HYDIN: variants seen among roughly 807,000 people sequenced by gnomAD.
HYDIN encodes the protein axonemal central pair apparatus protein HYDIN.
A neutral mutation model predicts 403.9 loss-of-function variants in HYDIN; 132 were observed. The observed-to-expected ratio is 0.33, with a 90% CI of 0.28 to 0.38. The LOEUF is 0.38. Among genes scored for constraint, HYDIN ranks in the 10% least tolerant of loss-of-function variants. The pLI is 1.00. For synonymous variants in HYDIN, 1,202 were observed against 1,891.7 expected, an observed-to-expected ratio of 0.64 and a Z score of 9.46; for missense variants, 2,827 against 5,009.5, an observed-to-expected ratio of 0.56 and a Z score of 13.15.
chr16:71,185,434 G>T (rs1335877253), intron 2 of HYDIN, among the ~76,000 whole-genome samples: 12 of 152,016 alleles, frequency 7.9e-5, no homozygotes, highest in Admixed American at 7.9e-4. Flanking sequence ...AAAGCTTTTG[G>T]GTGTTTAACT....
intron 23 of HYDIN, among the ~76,000 whole-genome samples, chr16:70,992,876 C>A (rs1174845883): frequency 1.3e-5 from 2 of 152,210 alleles, no homozygotes; most frequent in African/African-American, 4.8e-5. Flanking sequence ...ATTAAAAAGG[C>A]CTTTGGATGT....
At chr16:71,039,655 G>A (rs2144189978) in intron 18 of HYDIN, among the ~76,000 whole-genome samples, 1 of 152,286 alleles carries the variant, frequency 6.6e-6, no homozygotes, top group African/African-American at 2.4e-5. Flanking sequence ...AGAAGAAGCT[G>A]GCTGCAGATG....
chr16:70,945,754 C>T (rs1401269819), intron 41 of HYDIN, among the ~76,000 whole-genome samples: 2 of 152,092 alleles, frequency 1.3e-5, no homozygotes, highest in Non-Finnish European at 2.9e-5. Flanking sequence ...TGATCAGCTG[C>T]CAAGAAGTCA....
Position 70,943,920 on chromosome 16 carries a change from G to A in HYDIN, c.6561C>T (p.Pro2187=), listed in dbSNP as rs371050100. 145 of 1,612,396 alleles carry A rather than the reference G, an allele frequency of 9.0e-5. No individual in the cohort carries two copies. In the African/African-American group the frequency reaches 1.7e-3, roughly 19 times the overall value. Residue 2187 remains proline (P), a synonymous_variant, in exon 42 of 86, where the codon CCC becomes CCT. Transcript: ENST00000393567. ...GACTAACACTGAGCCAGCGGTGGATGGGCCCCGGGGGGAGAGGGCTGGAGG... is the reference window on the plus strand; with the variant it reads ...GACTAACACTGAGCCAGCGGTGGATAGGCCCCGGGGGGAGAGGGCTGGAGG... ...QISSSPLPPG[P]IHRWLSVSPS...
rs1277348625 is a variant in HYDIN, at chr16:70,979,887, G to C, written c.4511-846C>G. 2.6e-5 allele frequency among the ~76,000 whole-genome samples: 4 copies of C among 152,138 alleles called. No individual in the cohort carries two copies. In the East Asian group the frequency reaches 5.8e-4, roughly 22 times the overall value. ...TGCAGGGAGCTGAGACCCCGTCACT[G>C]AACTCCAGCCTGGGTGACAGAGCAA... On this transcript the variant is annotated intron_variant, in intron 29 of 85. Coordinates refer to ENST00000393567, the MANE Select transcript of HYDIN (RefSeq NM_001270974.2).
rs372716069 is a variant in HYDIN, at chr16:70,970,610, G to A, written c.5529C>T (p.Asp1843=). 2.3e-5 allele frequency: 33 copies of A among 1,410,970 alleles called. No homozygotes were observed. The highest frequency in any genetic ancestry group is 5.7e-5 in the African/African-American group (4 of 70,600). The allele number at this position is 1,410,970 out of a possible 1,614,324, so 87.4% of individuals were successfully genotyped here. ...LGPLLLCAPG[D]EAEVIVKNPC... ...GATTCTTCACTATCACCTCGGCCTC[G>A]TCTCCAGGTGCACAAAGTAGCAGTG... The change falls in exon 36 of 86, where the codon GAC becomes GAT. Residue 1843 remains aspartate, a synonymous_variant. Coordinates refer to ENST00000393567, the MANE Select transcript of HYDIN (RefSeq NM_001270974.2).
At chr16:71,098,707 C>A (rs1303412511) in intron 10 of HYDIN, among the ~76,000 whole-genome samples, 1 of 149,126 alleles carries the variant, frequency 6.7e-6, no homozygotes, top group African/African-American at 2.5e-5. Flanking sequence ...AAAACTTTCT[C>A]CATCTGTTAC....
intron 37 of HYDIN, 31 bp downstream of exon 37, chr16:70,964,697 G>A: frequency 6.2e-7 from 1 of 1,612,002 alleles, no homozygotes; most frequent in Admixed American, 1.7e-5. Context: ...GCAATGGTTA[G>A]CATGAGGTGT....
chr16:71,085,160 T>A (rs1209019773), intron 12 of HYDIN, among the ~76,000 whole-genome samples: 1 of 89,822 alleles, frequency 1.1e-5, no homozygotes, highest in Non-Finnish European at 2.2e-5. Context: ...TTTGGAAGAG[T>A]TTGTGAAAGA....
In HYDIN at chr16:70,872,131, C is replaced by G; in HGVS notation, c.10997G>C (p.Ser3666Thr). Residue 3666 changes from serine (S) to threonine (T), a missense_variant, in exon 65 of 86, where the codon AGC becomes ACC. Transcript: ENST00000393567. ...TGTGACTGTGAAGCTCGCATTATAGCTGTGTCCAATGTGGCAGTCCCCAAA... is the reference window on the plus strand; with the variant it reads ...TGTGACTGTGAAGCTCGCATTATAGGTGTGTCCAATGTGGCAGTCCCCAAA... Reference protein sequence around the residue: ...IQFGDCHIGHSYNASFTVTNH... With the variant: ...IQFGDCHIGHTYNASFTVTNH... 7 of 1,561,094 alleles carry G rather than the reference C, an allele frequency of 4.5e-6. No individual in the cohort carries two copies. Among genetic ancestry groups the G allele is most frequent in the Non-Finnish European group, 6.1e-6 (7 of 1,148,476 alleles).
intron 36 of HYDIN, among the ~76,000 whole-genome samples, chr16:70,969,624 C>T (rs1488542657): frequency 1.3e-5 from 2 of 152,028 alleles, no homozygotes; most frequent in Admixed American, 1.3e-4. Flanking sequence ...AACAACAGAG[C>T]TAAAGGTAGC....
intron 41 of HYDIN, among the ~76,000 whole-genome samples, chr16:70,946,186 G>A (rs1311563434): frequency 6.9e-6 from 1 of 144,206 alleles, no homozygotes. Flanking sequence ...CAGACACTCA[G>A]CTGTCGAGAA....
At chr16:71,200,706 T>A (rs1282287561) in intron 1 of HYDIN, among the ~76,000 whole-genome samples, 1 of 152,206 alleles carries the variant, frequency 6.6e-6, no homozygotes, top group African/African-American at 2.4e-5. Flanking sequence ...TACATGTTTT[T>A]GAAAATACAT....
rs767439083 is a variant in HYDIN at position 71,067,395 on chromosome 16, A to G, written c.1975-5T>C. On this transcript the variant is annotated splice_region_variant and splice_polypyrimidine_tract_variant and intron_variant, in intron 14 of 85. Coordinates refer to ENST00000393567, the MANE Select transcript of HYDIN (RefSeq NM_001270974.2). ...AGTGTTGGAGCATAATGTCACCTGGAAAGAAAAAGGTGACAAGTTGGTCTT... is the reference window on the plus strand; with the variant it reads ...AGTGTTGGAGCATAATGTCACCTGGGAAGAAAAAGGTGACAAGTTGGTCTT... 4.1e-5 allele frequency: 66 copies of G among 1,599,196 alleles called. No individual in the cohort carries two copies. The highest frequency in any genetic ancestry group is 3.5e-4 in the Admixed American group (20 of 57,342).
chr16:70,943,884 T>C lies in HYDIN; in HGVS notation c.6597A>G (p.Gly2199=), dbSNP rs1247147393. ...CACAGCTCATCAGCCCGGTCTCGCC[T>C]CCGACACTGGGACTAACACTGAGCC... ...HRWLSVSPSV[G]GETGLMSCVL... is the part of the protein sequence containing the mutation. Residue 2199 remains glycine (G), a synonymous_variant, in exon 42 of 86, where the codon GGA becomes GGG. Coordinates refer to ENST00000393567, the MANE Select transcript of HYDIN (RefSeq NM_001270974.2). 6.2e-7 allele frequency: 1 copy of C among 1,613,690 alleles called. No individual in the cohort carries two copies. Among genetic ancestry groups the C allele is most frequent in the African/African-American group, 1.3e-5 (1 of 75,038 alleles).
chr16:70,984,595 A>G (rs1339483515), intron 28 of HYDIN, among the ~76,000 whole-genome samples: 1 of 150,992 alleles, frequency 6.6e-6, no homozygotes, highest in African/African-American at 2.5e-5. Flanking sequence ...ATTTAGGGGA[A>G]GAACAGACTT....
rs1250215031 is a variant in HYDIN, at chr16:70,879,367, T to G, written c.10487A>C (p.Lys3496Thr). ...NQYGNPLLLF[K>T]RLLLGHSEKL... ...CTCTGAATGACCAAGGAGAAGCCTCTTAAAGAGGAGCAAGGGGTTTCCATA... is the reference window on the plus strand; with the variant it reads ...CTCTGAATGACCAAGGAGAAGCCTCGTAAAGAGGAGCAAGGGGTTTCCATA... Residue 3496 changes from lysine (K) to threonine (T), a missense_variant, in exon 62 of 86, where the codon AAG (lysine) becomes ACG (threonine). By Grantham distance (78) the Lys-to-Thr change is moderately conservative. Transcript: ENST00000393567. The G allele has an allele frequency of 6.4e-7, 1 of 1,562,742 alleles. No individual in the cohort carries two copies. The highest frequency in any genetic ancestry group is 1.4e-5 in the African/African-American group (1 of 72,690).
chr16:70,988,891 A>G (rs2079257341), intron 25 of HYDIN, among the ~76,000 whole-genome samples: 1 of 150,180 alleles, frequency 6.7e-6, no homozygotes, highest in Non-Finnish European at 1.5e-5. Context: ...GTGTGTGTAA[A>G]TTCCTTCAGA....
intron 10 of HYDIN, among the ~76,000 whole-genome samples, chr16:71,109,518 C>G (rs1173163118): frequency 7.7e-6 from 1 of 130,574 alleles, no homozygotes; most frequent in South Asian, 2.3e-4. Context: ...TGACCTAAGA[C>G]CAAGAGGTTT....
Sources: gnomAD v4.1 joint callset for allele counts (sites outside exome capture counted in the v4.1 genomes callset) on GRCh38, gnomAD v4.1.1 for gene constraint, MANE v1.5 for transcripts, NCBI Gene and HGNC (gene_info 2026-07-23, HGNC 2026-07-21) for gene names.